The following AGBL1 variants were observed in gnomAD, a reference collection of about 807,000 sequenced individuals.
AGBL1 encodes the protein AGBL carboxypeptidase 1, also known as cytosolic carboxypeptidase 4.
In AGBL1, 130 loss-of-function variants were observed where a neutral mutation model predicts 118.9. That is an observed-to-expected ratio of 1.09 (90% CI 0.95 to 1.26). The LOEUF (loss-of-function observed/expected upper bound fraction) is 1.26, where lower values mean the gene tolerates loss of function less well. Ranked by LOEUF, AGBL1 falls within the 50% of genes most tolerant of loss-of-function variation. The pLI is 0.00. For synonymous variants in AGBL1, 555 were observed against 478.9 expected (o/e 1.16, Z -2.08); for missense variants, 1,584 against 1,298.1 (o/e 1.22, Z -3.38).
At chr15:86,575,961 C>T (rs1229322278) in intron 21 of AGBL1, among the ~76,000 whole-genome samples, 1 of 152,152 alleles carries the variant, frequency 6.6e-6, no homozygotes, top group Admixed American at 6.5e-5. Flanking sequence ...CATACATATA[C>T]AAGAAAGTCA....
intron 18 of AGBL1, among the ~76,000 whole-genome samples, chr15:86,469,867 G>T (rs562418206): frequency 3.8e-4 from 58 of 152,124 alleles, no homozygotes; most frequent in African/African-American, 1.3e-3. Flanking sequence ...TTGGCCATTT[G>T]TATGTCTTCT....
intron 18 of AGBL1, among the ~76,000 whole-genome samples, chr15:86,422,513 C>T (rs1363384377): frequency 6.6e-6 from 1 of 152,116 alleles, no homozygotes; most frequent in South Asian, 2.1e-4. Context: ...CTAAAATCGA[C>T]AAGCTAACAT....
rs1200930593 is a variant in AGBL1 at position 86,913,737 on chromosome 15, G to C, written c.*6443G>C. ...AAAAAAAATAGCCAGGCGTGATGGT[G>C]CATGCCTGTAGTCCCAGCTACTAGG... On this transcript the variant is annotated 3_prime_UTR_variant, in exon 23 of 23. Transcript: ENST00000614907. 2.0e-5 allele frequency: 3 copies of C among 152,280 alleles called. No individual in the cohort carries two copies. Among genetic ancestry groups the C allele is most frequent in the African/African-American group, 7.2e-5 (3 of 41,430 alleles). The allele number at this position is 152,280 out of a possible 1,614,324, so 9.4% of individuals were successfully genotyped here.
At position 86,614,987 on chromosome 15, in the gene AGBL1, G is replaced by A. The variant is rs191649196; in HGVS notation, c.2995-59286G>A. The stretch of plus-strand genomic sequence containing the variant: ...AATGAGCAAAGTTGTTCTAAGATGA[G>A]CAAAGAAAACTAGAATGGTGAGAGT... On this transcript the variant is annotated intron_variant, in intron 21 of 22. Transcript: ENST00000614907. Among the ~76,000 whole-genome samples, 254 of 152,248 alleles carry A rather than the reference G, an allele frequency of 1.7e-3. 3 individuals are homozygous for A. Among genetic ancestry groups the A allele is most frequent in the Middle Eastern group, 6.8e-3 (2 of 294 alleles).
chr15:86,428,914 C>T (rs1013467461), intron 18 of AGBL1, among the ~76,000 whole-genome samples: 32 of 152,272 alleles, frequency 2.1e-4, no homozygotes, highest in African/African-American at 7.2e-4. Context: ...GGTTTATGTC[C>T]CAGAAGTTCC....
intron 24 of AGBL1, among the ~76,000 whole-genome samples, chr15:86,991,891 C>G (rs771827161): frequency 1.7e-4 from 26 of 152,146 alleles, no homozygotes; most frequent in Non-Finnish European, 3.1e-4. Flanking sequence ...TGGGGATAGA[C>G]TAAGGCTGTC....
intron 15 of AGBL1, among the ~76,000 whole-genome samples, chr15:86,272,895 C>G (rs952075312): frequency 6.6e-6 from 1 of 152,130 alleles, no homozygotes; most frequent in South Asian, 2.1e-4. Context: ...GCTCACCTAT[C>G]TTAAGACTCT....
At chr15:86,196,882 CACACACA>C (rs2077820002) in intron 5 of AGBL1, among the ~76,000 whole-genome samples, 1 of 63,974 alleles carries the variant, frequency 1.6e-5, no homozygotes, top group African/African-American at 4.6e-5. Flanking sequence ...CGCGCGCGCA[CACACACA>C]CACACACACA....
intron 1 of AGBL1, among the ~76,000 whole-genome samples, chr15:86,082,927 G>C (rs893189664): frequency 6.6e-6 from 1 of 152,190 alleles, no homozygotes; most frequent in Non-Finnish European, 1.5e-5. Flanking sequence ...TTACTCGGCT[G>C]TTTATCCTTA....
At chr15:86,492,785 C>G (rs1381266368) in intron 18 of AGBL1, among the ~76,000 whole-genome samples, 1 of 151,996 alleles carries the variant, frequency 6.6e-6, no homozygotes, top group African/African-American at 2.4e-5. Flanking sequence ...AAGGCAATTT[C>G]AAGGTCATAG....
intron 18 of AGBL1, among the ~76,000 whole-genome samples, chr15:86,469,380 C>G (rs1227995219): frequency 6.6e-6 from 1 of 152,140 alleles, no homozygotes; most frequent in East Asian, 1.9e-4. Flanking sequence ...GCATAATATC[C>G]TCTAGGTTCA....
At chr15:86,263,513 G>A (rs1295635168) in intron 10 of AGBL1, among the ~76,000 whole-genome samples, 5 of 152,222 alleles carry the variant, frequency 3.3e-5, no homozygotes, top group Non-Finnish European at 4.4e-5. Flanking sequence ...GGTGGGCAGG[G>A]TGCCCTGCCC....
At chr15:86,121,796 C>G (rs1188506660) in intron 1 of AGBL1, among the ~76,000 whole-genome samples, 1 of 152,220 alleles carries the variant, frequency 6.6e-6, no homozygotes, top group Non-Finnish European at 1.5e-5. Context: ...CTTAGGTTTA[C>G]TTAGGCTTTT....
chr15:86,113,900 G>A (rs1897594085), intron 1 of AGBL1, among the ~76,000 whole-genome samples: 1 of 152,132 alleles, frequency 6.6e-6, no homozygotes, highest in Admixed American at 6.5e-5. Flanking sequence ...TGCCCCAAAG[G>A]AAAGATTGGT....
At chr15:86,188,241 C>A (rs1028243339) in intron 5 of AGBL1, among the ~76,000 whole-genome samples, 3 of 152,162 alleles carry the variant, frequency 2.0e-5, no homozygotes, top group African/African-American at 7.2e-5. Flanking sequence ...TGGCCCCCCA[C>A]ACTATGGAGC....
chr15:86,252,343 A>T (rs1207598532), intron 7 of AGBL1, among the ~76,000 whole-genome samples: 1 of 152,174 alleles, frequency 6.6e-6, no homozygotes, highest in African/African-American at 2.4e-5. Flanking sequence ...GAATATTACC[A>T]GGTTGGAATC....
intron 22 of AGBL1, among the ~76,000 whole-genome samples, chr15:86,796,833 T>C (rs2078579545): frequency 6.6e-6 from 1 of 152,180 alleles, no homozygotes; most frequent in Admixed American, 6.5e-5. Context: ...TATATGAAAA[T>C]GTTTTCAAGC....
At chr15:86,379,797 C>G (rs1227968199) in intron 17 of AGBL1, among the ~76,000 whole-genome samples, 1 of 152,182 alleles carries the variant, frequency 6.6e-6, no homozygotes, top group African/African-American at 2.4e-5. Flanking sequence ...TTGCCCTTCT[C>G]TACAGAGTTT....
At chr15:86,638,679 G>A (rs1172039479) in intron 21 of AGBL1, among the ~76,000 whole-genome samples, 1 of 152,200 alleles carries the variant, frequency 6.6e-6, no homozygotes, top group East Asian at 1.9e-4. Context: ...ACTTAGTGGG[G>A]AGATGAGGAA....
Sources: allele counts gnomAD v4.1 joint callset (sites outside exome capture counted in the v4.1 genomes callset), GRCh38; gene constraint gnomAD v4.1.1; transcripts MANE v1.5; gene names NCBI Gene and HGNC (gene_info 2026-07-23, HGNC 2026-07-21).